Variants in CSDC2 observed in about 807,000 individuals in gnomAD.
CSDC2 encodes cold shock domain containing C2.
Under a neutral mutation model 15.8 loss-of-function variants are expected in CSDC2, and 8 were observed. The observed-to-expected ratio is 0.51, with a 90% CI of 0.30 to 0.92. CSDC2 has a LOEUF of 0.92. Ranked by LOEUF, CSDC2 falls within the 40% of genes least tolerant of loss-of-function variation. The pLI, the probability that CSDC2 is intolerant of heterozygous loss-of-function variation, is 0.07. For synonymous variants in CSDC2, 96 were observed against 92.3 expected, an observed-to-expected ratio of 1.04 and a Z score of -0.23; for missense variants, 195 against 213.3, an observed-to-expected ratio of 0.91 and a Z score of 0.53.
intron 1 of CSDC2, among the ~76,000 whole-genome samples, chr22:41,569,241 T>G (rs2145598935): frequency 6.6e-6 from 1 of 152,400 alleles, no homozygotes; most frequent in Admixed American, 6.5e-5. Flanking sequence ...GTAACTTTGC[T>G]GCCCCGTCTT....
chr22:41,567,301 C>G (rs2067121283), intron 1 of CSDC2, among the ~76,000 whole-genome samples: 1 of 152,202 alleles, frequency 6.6e-6, no homozygotes, highest in Non-Finnish European at 1.5e-5. Flanking sequence ...GACTCTGTCA[C>G]CTGCTGTGTG....
chr22:41,571,732 G>C, intron 1 of CSDC2, 111 bp from the exon 2 acceptor site: 1 of 346,034 alleles, frequency 2.9e-6, no homozygotes, highest in Non-Finnish European at 5.1e-6. Flanking sequence ...TTTGTGACTT[G>C]AAGTAACGCC....
intron 1 of CSDC2, among the ~76,000 whole-genome samples, chr22:41,570,447 C>G (rs1297680798): frequency 6.6e-6 from 1 of 152,166 alleles, no homozygotes; most frequent in Non-Finnish European, 1.5e-5. Context: ...GCAGGGTGTT[C>G]AGGCTTTCTG....
intron 1 of CSDC2, among the ~76,000 whole-genome samples, chr22:41,563,414 C>T (rs1004352296): frequency 8.5e-5 from 13 of 152,124 alleles, no homozygotes; most frequent in African/African-American, 3.1e-4. Flanking sequence ...CCTTGTGTTC[C>T]CCGTCCTTTC....
rs1328741520 is a variant in CSDC2, at chr22:41,574,832, G to A, written c.399G>A (p.Val133=). ...AGAAGTTCCAGGCCGTGGAGGTGGT[G>A]CTCACTCAGCTGGCCCCCCACACTC... ...KNQKFQAVEV[V]LTQLAPHTPH... The change falls in exon 4 of 4, where the codon GTG becomes GTA. Residue 133 remains valine (V), a synonymous_variant. Transcript: ENST00000306149. The A allele has an allele frequency of 6.8e-6, 11 of 1,612,556 alleles. No homozygotes were observed. Among genetic ancestry groups the A allele is most frequent in the Non-Finnish European group, 9.3e-6 (11 of 1,179,530 alleles).
intron 1 of CSDC2, among the ~76,000 whole-genome samples, chr22:41,566,629 T>C (rs1315423840): frequency 8.6e-5 from 8 of 93,020 alleles, no homozygotes; most frequent in Admixed American, 2.9e-4. Context: ...AGACTCTGTC[T>C]CAAAAAAAAA....
At chr22:41,569,551 A>G (rs778734035) in intron 1 of CSDC2, among the ~76,000 whole-genome samples, 1 of 152,068 alleles carries the variant, frequency 6.6e-6, no homozygotes, top group Non-Finnish European at 1.5e-5. Context: ...TGACCTTGCA[A>G]ACATTCTCGC....
intron 1 of CSDC2, among the ~76,000 whole-genome samples, chr22:41,571,213 G>A (rs753350796): frequency 6.6e-6 from 1 of 151,802 alleles, no homozygotes; most frequent in East Asian, 1.9e-4. Flanking sequence ...AATCAGCCAG[G>A]TGTGGTGGCA....
chr22:41,570,292 G>A (rs572043495), intron 1 of CSDC2, among the ~76,000 whole-genome samples: 113 of 152,216 alleles, frequency 7.4e-4, no homozygotes, highest in African/African-American at 2.7e-3. Flanking sequence ...TTGGGAGGAG[G>A]GAGGATACTA....
chr22:41,565,611 G>A (rs1436445556), intron 1 of CSDC2, among the ~76,000 whole-genome samples: 1 of 152,104 alleles, frequency 6.6e-6, no homozygotes, highest in Non-Finnish European at 1.5e-5. Flanking sequence ...TAAAAAGTAA[G>A]AGAGAACCAT....
chr22:41,572,281 G>C (rs1321225503), intron 2 of CSDC2, 140 bp downstream of exon 2: 1 of 621,540 alleles, frequency 1.6e-6, no homozygotes, highest in Non-Finnish European at 2.4e-6. Context: ...ATGGATGTTT[G>C]TCCCATACAT....
At chr22:41,568,397 C>T (rs1242918631) in intron 1 of CSDC2, among the ~76,000 whole-genome samples, 1 of 152,134 alleles carries the variant, frequency 6.6e-6, no homozygotes, top group African/African-American at 2.4e-5. Context: ...AATCCTGCTG[C>T]CTCAGATGCC....
chr22:41,567,412 C>T (rs1345402861), intron 1 of CSDC2, among the ~76,000 whole-genome samples: 2 of 152,210 alleles, frequency 1.3e-5, no homozygotes, highest in Admixed American at 6.5e-5. Context: ...GAGGTTGAAA[C>T]GTAGAAAATA....
At position 41,574,727 on chromosome 22, in the gene CSDC2, C is replaced by T. The variant is rs201197191; in HGVS notation, c.300-6C>T. 2.4e-3 allele frequency: 3,809 copies of T among 1,613,304 alleles called. 34 individuals carry two copies. The highest frequency in any genetic ancestry group is 0.022 in the Middle Eastern group (135 of 6,060). On this transcript the variant is annotated splice_polypyrimidine_tract_variant and splice_region_variant and intron_variant, in intron 3 of 3. Transcript: ENST00000306149. ...CTGGGCTAATACCCCTCTTCCTGCC[C>T]GCCAGCATCGAGGGGGAGTACGTGC... is the stretch of plus-strand genomic sequence containing the variant.
intron 1 of CSDC2, among the ~76,000 whole-genome samples, chr22:41,562,969 G>A (rs2067095557): frequency 1.3e-5 from 2 of 151,980 alleles, no homozygotes; most frequent in South Asian, 2.1e-4. Flanking sequence ...GCCTAGGGTC[G>A]CACAGCCAAG....
chr22:41,572,434 A>C (rs2067152142), intron 2 of CSDC2, among the ~76,000 whole-genome samples: 1 of 104,914 alleles, frequency 9.5e-6, no homozygotes, highest in Non-Finnish European at 2.0e-5. Flanking sequence ...CCATCCATCC[A>C]CCTGTCCATC....
chr22:41,572,363 C>A (rs1269938554), intron 2 of CSDC2, among the ~76,000 whole-genome samples: 1 of 50,802 alleles, frequency 2.0e-5, no homozygotes, highest in Non-Finnish European at 4.2e-5. Context: ...CACCCACCCA[C>A]CCACCCACCC....
At chr22:41,565,055 A>T (rs1375491439) in intron 1 of CSDC2, among the ~76,000 whole-genome samples, 1 of 151,890 alleles carries the variant, frequency 6.6e-6, no homozygotes, top group Non-Finnish European at 1.5e-5. Context: ...GATCCCAGCT[A>T]CTCGAGAGGC....
At chr22:41,573,488 G>A (rs2067158415) in intron 2 of CSDC2, among the ~76,000 whole-genome samples, 167 bp from the exon 3 acceptor site, 2 of 152,042 alleles carry the variant, frequency 1.3e-5, no homozygotes, top group East Asian at 1.9e-4. Context: ...GTGAGCCACC[G>A]TGCCTGGCCT....
Sources: allele counts gnomAD v4.1 joint callset (sites outside exome capture counted in the v4.1 genomes callset), GRCh38; gene constraint gnomAD v4.1.1; transcripts MANE v1.5; gene names NCBI Gene and HGNC (gene_info 2026-07-23, HGNC 2026-07-21).